Variants in PARD3 observed in about 807,000 individuals in gnomAD.
The protein encoded by PARD3 is par-3 family cell polarity regulator, also known as partitioning defective 3 homolog.
Under a neutral mutation model 155.4 loss-of-function variants are expected in PARD3, and 75 were observed. The ratio of observed to expected loss-of-function variants is 0.48; its 90% CI spans 0.40 to 0.58. The LOEUF (loss-of-function observed/expected upper bound fraction) is 0.58, where lower values mean the gene tolerates loss of function less well. PARD3 is among the 20% of genes least tolerant of loss of function. The probability of loss-of-function intolerance (pLI) is 0.00; values close to 1 mark genes in which losing one functional copy is unlikely to be tolerated. For synonymous variants in PARD3, 576 were observed against 610.5 expected, an observed-to-expected ratio of 0.94 and a Z score of 0.83; for missense variants, 1,642 against 1,721.7, an observed-to-expected ratio of 0.95 and a Z score of 0.82.
chr10:34,275,944 A>C lies in PARD3; in HGVS notation c.3177-6045T>G, dbSNP rs1192353844. Among the ~76,000 whole-genome samples the C allele has an allele frequency of 2.6e-5, 4 of 152,134 alleles. No individual in the cohort carries two copies. In the East Asian group the frequency reaches 7.7e-4, roughly 29 times the overall value. ...TCTCTATCCCATTTATCTCGGGCCA[A>C]ACCTCAACAATGACAGAAGTAACTG... On this transcript the variant is annotated intron_variant, in intron 21 of 24. Transcript: ENST00000374788.
intron 2 of PARD3, among the ~76,000 whole-genome samples, chr10:34,607,277 G>A (rs888092954): frequency 6.6e-6 from 1 of 152,152 alleles, no homozygotes. Context: ...ATATGTATTT[G>A]CAAACAACCC....
chr10:34,700,257 C>A (rs1178955901), intron 1 of PARD3, among the ~76,000 whole-genome samples: 1 of 152,012 alleles, frequency 6.6e-6, no homozygotes, highest in South Asian at 2.1e-4. Context: ...TAAAGAACAT[C>A]AACTTCACCT....
At chr10:34,588,430 T>C (rs1309244176) in intron 2 of PARD3, among the ~76,000 whole-genome samples, 1 of 152,206 alleles carries the variant, frequency 6.6e-6, no homozygotes, top group Non-Finnish European at 1.5e-5. Flanking sequence ...CTTCTCTTCC[T>C]TAACCAACTG....
rs1036502617 is a variant in PARD3, at chr10:34,365,959, C to A, written c.1708-5700G>T. ...ACACAAATATATATATGAAAAAATA[C>A]ATTAAAATGATGATACTGAAGTCAC... On this transcript the variant is annotated intron_variant, in intron 12 of 24. Transcript: ENST00000374788. Among the ~76,000 whole-genome samples the A allele has an allele frequency of 3.9e-5, 6 of 152,160 alleles. 1 individual carries two copies.
At chr10:34,712,592 C>T (rs1043034281) in intron 1 of PARD3, among the ~76,000 whole-genome samples, 2 of 152,200 alleles carry the variant, frequency 1.3e-5, no homozygotes, top group Non-Finnish European at 2.9e-5. Flanking sequence ...ATAGCTTAGG[C>T]TCAGACGCTA....
chr10:34,291,120 A>G (rs1391672575), intron 20 of PARD3, among the ~76,000 whole-genome samples: 1 of 152,200 alleles, frequency 6.6e-6, no homozygotes, highest in East Asian at 1.9e-4. Context: ...CTCTAACACA[A>G]TAACAAACTT....
At chr10:34,532,566 C>T (rs906234159) in intron 2 of PARD3, among the ~76,000 whole-genome samples, 35 of 152,182 alleles carry the variant, frequency 2.3e-4, no homozygotes, top group African/African-American at 8.0e-4. Context: ...AATAAAGCTA[C>T]AAATGAACTT....
intron 14 of PARD3, 60 bp from the exon 15 acceptor site, chr10:34,348,175 A>G (rs1457142246): frequency 6.9e-7 from 1 of 1,451,706 alleles, no homozygotes; most frequent in Non-Finnish European, 9.3e-7. Flanking sequence ...AATTAGCAGC[A>G]TGGGAGAATT....
intron 1 of PARD3, 112 bp from the exon 2 acceptor site, chr10:34,696,531 C>A: frequency 1.4e-6 from 1 of 711,256 alleles, no homozygotes; most frequent in Non-Finnish European, 2.5e-6. Flanking sequence ...AACCTCATAT[C>A]AACAATACTG....
At chr10:34,516,907 T>C (rs977569459) in intron 3 of PARD3, 72 bp downstream of exon 3, 16 of 1,401,050 alleles carry the variant, frequency 1.1e-5, no homozygotes, top group African/African-American at 4.3e-5. Context: ...TACAGGGTCA[T>C]GGATGAATAA....
intron 20 of PARD3, among the ~76,000 whole-genome samples, chr10:34,306,651 AAAT>A (rs147400877): frequency 0.028 from 4,310 of 152,224 alleles, 183 homozygotes; most frequent in African/African-American, 0.099. Flanking sequence ...CTCCATCTCA[AAAT>A]AATAATAACA....
chr10:34,469,254 G>A (rs1042278164), intron 4 of PARD3, among the ~76,000 whole-genome samples: 3 of 152,132 alleles, frequency 2.0e-5, no homozygotes, highest in African/African-American at 7.2e-5. Context: ...AGAATTACAG[G>A]TGCATGCCAG....
chr10:34,562,275 A>T (rs2085555225), intron 2 of PARD3, among the ~76,000 whole-genome samples: 1 of 151,846 alleles, frequency 6.6e-6, no homozygotes, highest in African/African-American at 2.4e-5. Flanking sequence ...CATCTCTACT[A>T]AAAATACAAA....
intron 2 of PARD3, among the ~76,000 whole-genome samples, chr10:34,524,220 C>G (rs2082329951): frequency 6.6e-6 from 1 of 152,158 alleles, no homozygotes; most frequent in Non-Finnish European, 1.5e-5. Flanking sequence ...CAGAACATTC[C>G]CGCTGCTTCC....
At chr10:34,319,451 T>C (rs1958242610) in intron 19 of PARD3, among the ~76,000 whole-genome samples, 1 of 152,200 alleles carries the variant, frequency 6.6e-6, no homozygotes. Context: ...TGTAAGCCAT[T>C]GTCTTCCTCC....
rs746227966 is a variant in PARD3, at chr10:34,269,791, A to G, written c.3285T>C (p.Tyr1095=). 1 of 1,613,998 alleles carries G rather than the reference A, an allele frequency of 6.2e-7. No individual in the cohort carries two copies. Among genetic ancestry groups the G allele is most frequent in the Non-Finnish European group, 8.5e-7 (1 of 1,179,964 alleles). The part of the protein sequence containing the change: ...RTFGCDDELM[Y]GGVSSYEGSM... ...AACCTTCATAAGAAGAAACTCCCCC[A>G]TACATTAACTCATCATCACAGCCAA... is the stretch of plus-strand genomic sequence containing the variant. Residue 1095 remains tyrosine, a synonymous_variant, in exon 22 of 25, where the codon TAT becomes TAC. Coordinates refer to ENST00000374788, the MANE Select transcript of PARD3 (RefSeq NM_001184785.2).
chr10:34,421,803 T>C, intron 5 of PARD3, among the ~76,000 whole-genome samples: 1 of 152,068 alleles, frequency 6.6e-6, no homozygotes, highest in East Asian at 1.9e-4. Context: ...ACACAATAAA[T>C]GTAAAGAATT....
chr10:34,472,795 A>G (rs757854842), intron 3 of PARD3, among the ~76,000 whole-genome samples: 1 of 152,196 alleles, frequency 6.6e-6, no homozygotes, highest in Admixed American at 6.5e-5. Flanking sequence ...AAATTCAAGG[A>G]CTGAATTAGC....
chr10:34,645,984 CAG>C (rs1343546620), intron 2 of PARD3, among the ~76,000 whole-genome samples: 4 of 152,160 alleles, frequency 2.6e-5, no homozygotes, highest in Admixed American at 6.5e-5. Flanking sequence ...CAGGACAACA[CAG>C]AACCGGGATA....
Sources: allele counts gnomAD v4.1 joint callset (sites outside exome capture counted in the v4.1 genomes callset), GRCh38; gene constraint gnomAD v4.1.1; transcripts MANE v1.5; gene names NCBI Gene and HGNC (gene_info 2026-07-23, HGNC 2026-07-21).